The following LRRCC1 variants were observed in gnomAD, a reference collection of about 807,000 sequenced individuals.
LRRCC1 encodes the protein leucine rich repeat and coiled-coil centrosomal protein 1.
A neutral mutation model predicts 126.0 loss-of-function variants in LRRCC1; 115 were observed. The ratio of observed to expected loss-of-function variants is 0.91; its 90% confidence interval spans 0.78 to 1.07. The LOEUF (loss-of-function observed/expected upper bound fraction) is 1.07, where lower values mean the gene tolerates loss of function less well. Among genes scored for constraint, LRRCC1 ranks in the 50% least tolerant of loss-of-function variants. The probability of loss-of-function intolerance (pLI) is 0.00; values close to 1 mark genes in which losing one functional copy is unlikely to be tolerated. For missense variants in LRRCC1, 1,172 were observed against 1,175.7 expected, an observed-to-expected ratio of 1.00 and a Z score of 0.05; for synonymous variants, 400 against 393.4, an observed-to-expected ratio of 1.02 and a Z score of -0.20.
At chr8:85,136,094 T>TA in intron 14 of LRRCC1, 131 bp downstream of exon 14, 1 of 679,916 alleles carries the variant, frequency 1.5e-6, no homozygotes, top group South Asian at 4.6e-5. Flanking sequence ...TCTGGAAGGA[T>TA]AAGTAGGCAT....
chr8:85,141,655 A>G, intron 18 of LRRCC1, 138 bp downstream of exon 18: 1 of 627,310 alleles, frequency 1.6e-6, no homozygotes, highest in Non-Finnish European at 2.6e-6. Flanking sequence ...TACCAAAACT[A>G]TCCTAAAACC....
At chr8:85,132,097 G>T in intron 12 of LRRCC1, 136 bp downstream of exon 12, 1 of 697,912 alleles carries the variant, frequency 1.4e-6, no homozygotes, top group Admixed American at 3.5e-5. Flanking sequence ...ATTCTTAGAG[G>T]CCTTAGTTTC....
intron 2 of LRRCC1, 115 bp downstream of exon 2, chr8:85,109,915 C>T (rs117733671): frequency 0.011 from 6,928 of 637,832 alleles, 94 homozygotes; most frequent in East Asian, 0.039. Context: ...GTCTGAAACT[C>T]ATTATACAAA....
rs2135911807 is a variant in LRRCC1, at chr8:85,109,943, G to T, written c.310+143G>T. On this transcript the variant is annotated intron_variant, in intron 2 of 18. Coordinates refer to ENST00000360375, the MANE Select transcript of LRRCC1 (RefSeq NM_033402.5). ...TATACAAAATATTTTCTCCAAAAAA[G>T]TGTCAATTTTTTAAAAATTCTGTTT... 6.4e-6 allele frequency: 4 copies of T among 624,088 alleles called. No individual in the cohort carries two copies. In the East Asian group the frequency reaches 8.9e-5, roughly 14 times the overall value. 38.7% of individuals were successfully genotyped at this position (624,088 alleles called of 1,614,324 possible). A position where few individuals can be genotyped will look rare whatever the true frequency, so the allele number is the denominator to read the frequency against.
In LRRCC1 at chr8:85,125,883, G is replaced by A. The variant is rs184198047; in HGVS notation, c.1273-806G>A. Among the ~76,000 whole-genome samples the A allele has an allele frequency of 7.2e-4, 109 of 151,992 alleles. 1 individual carries two copies. The highest frequency in any genetic ancestry group is 2.5e-3 in the African/African-American group (103 of 41,482). On this transcript the variant is annotated intron_variant, in intron 8 of 18. Transcript: ENST00000360375. ...TCCTCCCCTTATTCTCAACTATAGA[G>A]GCTTTAATATTGAAAAATAATAATT...
At chr8:85,108,714 T>C (rs966324896) in intron 1 of LRRCC1, 6 of 150,504 alleles carry the variant, frequency 4.0e-5, no homozygotes, top group African/African-American at 1.5e-4. Context: ...AATGCTTCCC[T>C]GCTGTCAGAG....
chr8:85,137,984 T>C, intron 15 of LRRCC1, 51 bp from the exon 16 acceptor site: 1 of 877,426 alleles, frequency 1.1e-6, no homozygotes, highest in Non-Finnish European at 1.8e-6. Context: ...TTAACCAGAA[T>C]ATGAAGCATT....
At chr8:85,135,139 A>T (rs1219127433) in intron 13 of LRRCC1, 107 bp downstream of exon 13, 2 of 704,046 alleles carry the variant, frequency 2.8e-6, no homozygotes, top group Admixed American at 3.3e-5. Context: ...AATGATACTA[A>T]TTATATATTG....
intron 12 of LRRCC1, among the ~76,000 whole-genome samples, chr8:85,133,662 AG>A (rs1810649120): frequency 6.6e-6 from 1 of 152,146 alleles, no homozygotes; most frequent in Non-Finnish European, 1.5e-5. Context: ...CTACACATTC[AG>A]TACCTCAAGA....
Position 85,138,368 on chromosome 8 carries a change from A to G in LRRCC1, c.2733A>G (p.Gly911=), listed in dbSNP as rs909688229. Residue 911 remains glycine, a synonymous_variant, in exon 17 of 19, where the codon GGA becomes GGG. Transcript: ENST00000360375. ...TGAATCGGAAGTGGCATGATAAAGG[A>G]GAACTTCTATGTCATCTTGAAACAC... ...STLNRKWHDK[G]ELLCHLETQV... The G allele has an allele frequency of 1.2e-6, 2 of 1,609,692 alleles. No homozygotes were observed. Among genetic ancestry groups the G allele is most frequent in the Admixed American group, 1.7e-5 (1 of 59,212 alleles).
At chr8:85,113,564 G>A (rs915823838) in intron 4 of LRRCC1, among the ~76,000 whole-genome samples, 3 of 151,906 alleles carry the variant, frequency 2.0e-5, no homozygotes, top group Admixed American at 6.6e-5. Context: ...ATGTATGCAC[G>A]CATGTGTGTG....
At chr8:85,115,610 A>G in intron 6 of LRRCC1, 26 bp downstream of exon 6, 2 of 1,440,664 alleles carry the variant, frequency 1.4e-6, no homozygotes, top group Non-Finnish European at 9.6e-7. Flanking sequence ...ACTTCTCTAT[A>G]GACATGTTTA....
rs761492907 is a variant in LRRCC1, at chr8:85,123,427, A to G, written c.945A>G (p.Ile315Met). ...LQLLNETSNS[I>M]DNVLEKDPRP... is the part of the protein sequence containing the mutation. The stretch of plus-strand genomic sequence containing the variant: ...TTAAATTTTAGACTTCTAATTCAAT[A>G]GATAACGTTCTTGAGAAAGACCCCA... The change falls in exon 7 of 19, where the codon ATA (isoleucine) becomes ATG (methionine). Residue 315 changes from isoleucine (I) to methionine (M), a missense_variant. Transcript: ENST00000360375. The G allele has an allele frequency of 4.4e-6, 7 of 1,592,158 alleles. No homozygotes were observed. The highest frequency in any genetic ancestry group is 5.1e-6 in the Non-Finnish European group (6 of 1,173,842).
At position 85,123,579 on chromosome 8, in the gene LRRCC1, A is replaced by G. The variant is rs1255514038; in HGVS notation, c.1097A>G (p.His366Arg). 1 of 1,581,434 alleles carries G rather than the reference A, an allele frequency of 6.3e-7. No homozygotes were observed. Among genetic ancestry groups the G allele is most frequent in the Non-Finnish European group, 8.5e-7 (1 of 1,170,948 alleles). ...AAAACCATTCAAACTATTAAGCACC[A>G]CAATAAAAACTACAACTCTTTTGTA... The part of the protein sequence containing the change: ...DAKTIQTIKH[H>R]NKNYNSFVSC... Residue 366 changes from histidine to arginine, a missense_variant, in exon 7 of 19, where the codon CAC becomes CGC. His to Arg is a conservative substitution (Grantham distance 29). Transcript: ENST00000360375.
intron 3 of LRRCC1, 89 bp from the exon 4 acceptor site, chr8:85,112,842 CT>C: frequency 1.1e-6 from 1 of 934,262 alleles, no homozygotes; most frequent in African/African-American, 1.7e-5. Flanking sequence ...CCGTTTGCCT[CT>C]AAAAGTATAA....
At position 85,129,287 on chromosome 8, in the gene LRRCC1, G is replaced by C. The variant is rs756840715; in HGVS notation, c.1534G>C (p.Asp512His). Residue 512 changes from aspartate (D) to histidine (H), a missense_variant, in exon 10 of 19, where the codon GAT becomes CAT. Transcript: ENST00000360375. ...GACTGTTGAACTAATGAAAGCAAAAGATCAACAAGAGGATCACCTTAAACA... is the reference window on the plus strand; with the variant it reads ...GACTGTTGAACTAATGAAAGCAAAACATCAACAAGAGGATCACCTTAAACA... Reference protein sequence around the residue: ...KLTVELMKAKDQQEDHLKHLR... With the variant: ...KLTVELMKAKHQQEDHLKHLR... 13 of 1,613,666 alleles carry C rather than the reference G, an allele frequency of 8.1e-6. No individual in the cohort carries two copies. Among genetic ancestry groups the C allele is most frequent in the Non-Finnish European group, 1.1e-5 (13 of 1,179,842 alleles).
At chr8:85,142,470 G>T (rs964947162) in intron 18 of LRRCC1, among the ~76,000 whole-genome samples, 2 of 152,116 alleles carry the variant, frequency 1.3e-5, no homozygotes, top group African/African-American at 4.8e-5. Flanking sequence ...TAAGGTATCT[G>T]TAAAACTAGA....
Position 85,112,992 on chromosome 8 carries a change from G to A in LRRCC1, c.437G>A (p.Arg146His), listed in dbSNP as rs753887030. Residue 146 changes from arginine (R) to histidine (H), a missense_variant, in exon 4 of 19, where the codon CGT becomes CAT. By Grantham distance (29) the Arg-to-His change is conservative. Transcript: ENST00000360375. ...KLRYIDLHSNRIDSIHHLLQC... is the reference protein window; with the variant it reads ...KLRYIDLHSNHIDSIHHLLQC... Reference sequence around the variant, plus strand: ...AGATATATTGATCTACATAGTAATCGTATAGATAGTATCCATCACTTACTT... The same window carrying A: ...AGATATATTGATCTACATAGTAATCATATAGATAGTATCCATCACTTACTT... 16 of 1,603,084 alleles carry A rather than the reference G, an allele frequency of 1.0e-5. No individual in the cohort carries two copies. Among genetic ancestry groups the A allele is most frequent in the South Asian group, 2.2e-5 (2 of 90,128 alleles).
At chr8:85,117,609 G>A (rs1330130568) in intron 6 of LRRCC1, among the ~76,000 whole-genome samples, 16 of 151,948 alleles carry the variant, frequency 1.1e-4, no homozygotes, top group Admixed American at 8.5e-4. Flanking sequence ...TAACCCTGCC[G>A]AACTGGGAAA....
Sources: allele counts gnomAD v4.1 joint callset (sites outside exome capture counted in the v4.1 genomes callset), GRCh38; gene constraint gnomAD v4.1.1; transcripts MANE v1.5; gene names NCBI Gene and HGNC (gene_info 2026-07-23, HGNC 2026-07-21).